Variants in PCDH11X observed in about 807,000 individuals in gnomAD.
The protein encoded by PCDH11X is protocadherin 11 X-linked.
PCDH11X carries 18 observed loss-of-function variants against 53.3 expected under a neutral mutation model. The ratio of observed to expected loss-of-function variants is 0.34; its 90% CI spans 0.23 to 0.50. The LOEUF (loss-of-function observed/expected upper bound fraction) is 0.50, where lower values mean the gene tolerates loss of function less well. Ranked by LOEUF, PCDH11X falls within the 20% of genes least tolerant of loss-of-function variation. PCDH11X has a pLI of 0.98. For missense variants in PCDH11X, 570 were observed against 1,032.4 expected, an observed-to-expected ratio of 0.55 and a Z score of 6.14; for synonymous variants, 279 against 393.3, an observed-to-expected ratio of 0.71 and a Z score of 3.44.
At chrX:92,026,237 A>G (rs770662013) in intron 6 of PCDH11X, among the ~76,000 whole-genome samples, 1 of 111,364 alleles carries the variant, frequency 9.0e-6, no homozygotes, top group East Asian at 2.8e-4. Flanking sequence ...GTTTTGTGAT[A>G]TGTGAAAATT....
At chrX:91,804,023 T>TCCAC (rs1230162693) in intron 1 of PCDH11X, among the ~76,000 whole-genome samples, 1 of 111,663 alleles carries the variant, frequency 9.0e-6, no homozygotes, top group Admixed American at 9.6e-5. Context: ...TTGGCTAAAT[T>TCCAC]GTGGAAGTTT....
chrX:92,108,821 A>G (rs1403363722), intron 6 of PCDH11X, among the ~76,000 whole-genome samples: 1 of 111,714 alleles, frequency 9.0e-6, no homozygotes, highest in East Asian at 2.8e-4. Flanking sequence ...GGTCAGGATT[A>G]CCTAATATTA....
At chrX:92,129,386 G>A (rs1038624932) in intron 6 of PCDH11X, among the ~76,000 whole-genome samples, 11 of 111,464 alleles carry the variant, frequency 9.9e-5, no homozygotes, top group East Asian at 5.7e-4. Context: ...GCGAGACTCC[G>A]TCCCCCACCT....
intron 6 of PCDH11X, among the ~76,000 whole-genome samples, chrX:92,118,661 C>T (rs2064687180): frequency 9.5e-6 from 1 of 105,417 alleles, no homozygotes; most frequent in African/African-American, 3.5e-5. Flanking sequence ...TCAGATTTGA[C>T]TCATTCCAAA....
At chrX:92,536,271 G>T (rs184189652) in intron 10 of PCDH11X, among the ~76,000 whole-genome samples, 2 of 110,904 alleles carry the variant, frequency 1.8e-5, no homozygotes, top group African/African-American at 6.6e-5. Context: ...TTTTATACAG[G>T]CTATTTTATC....
At chrX:92,209,756 C>G (rs1376485312) in intron 7 of PCDH11X, among the ~76,000 whole-genome samples, 2 of 112,537 alleles carry the variant, frequency 1.8e-5, no homozygotes, top group Admixed American at 9.4e-5. Flanking sequence ...CTCTGTACTG[C>G]CCTAGTAGAG....
chrX:91,851,475 A>G (rs1938007489), intron 5 of PCDH11X, among the ~76,000 whole-genome samples: 1 of 111,355 alleles, frequency 9.0e-6, no homozygotes, highest in African/African-American at 3.3e-5. Flanking sequence ...TCCATTTTTA[A>G]TTTTTATGAG....
intron 6 of PCDH11X, among the ~76,000 whole-genome samples, chrX:91,970,485 G>A (rs1223683946): frequency 2.7e-5 from 3 of 111,100 alleles, no homozygotes; most frequent in African/African-American, 9.8e-5. Flanking sequence ...AGCCCTGATT[G>A]GTGCGTGTAC....
intron 6 of PCDH11X, among the ~76,000 whole-genome samples, chrX:92,094,500 T>C (rs2064103416): frequency 9.0e-6 from 1 of 111,141 alleles, no homozygotes; most frequent in Admixed American, 9.7e-5. Flanking sequence ...TATACAGGTA[T>C]ATATGAGGAC....
Position 91,835,993 on chromosome X carries a change from T to G in PCDH11X, c.489T>G (p.Ala163=), listed in dbSNP as rs749446446. The stretch of plus-strand genomic sequence containing the variant: ...ACTCTAAATATACTCTCCCAGCGGC[T>G]GTTGATCCTGACGTAGGAATAAACG... ...AINSKYTLPA[A]VDPDVGINGV... is the part of the protein sequence containing the mutation. The change falls in exon 5 of 11, where the codon GCT becomes GCG. Residue 163 remains alanine, a synonymous_variant. Transcript: ENST00000682573. 2 of 1,208,909 alleles carry G rather than the reference T, an allele frequency of 1.7e-6. No individual in the cohort carries two copies. Among genetic ancestry groups the G allele is most frequent in the East Asian group, 5.9e-5 (2 of 33,729 alleles).
chrX:92,113,931 C>A (rs1226309515), intron 6 of PCDH11X: 27 of 1,203,966 alleles, frequency 2.2e-5, no homozygotes, highest in Non-Finnish European at 2.7e-5. Flanking sequence ...GTACAAACAT[C>A]TTGATGTATT....
intron 9 of PCDH11X, among the ~76,000 whole-genome samples, chrX:92,431,436 A>T (rs1319014963): frequency 9.0e-6 from 1 of 110,672 alleles, no homozygotes; most frequent in Non-Finnish European, 1.9e-5. Context: ...TTAAAATAGA[A>T]CTCAATTTTT....
intron 5 of PCDH11X, among the ~76,000 whole-genome samples, chrX:91,871,104 C>T (rs915426193): frequency 1.4e-4 from 15 of 109,436 alleles, no homozygotes; most frequent in African/African-American, 5.1e-4. Flanking sequence ...GCTTTTCCCC[C>T]TAATAGTTTT....
chrX:92,033,916 A>G (rs1360193517), intron 6 of PCDH11X, among the ~76,000 whole-genome samples: 2 of 109,022 alleles, frequency 1.8e-5, no homozygotes, highest in Non-Finnish European at 3.8e-5. Context: ...GCTTAGTAGT[A>G]CTTTTGCTGT....
intron 6 of PCDH11X, among the ~76,000 whole-genome samples, chrX:92,193,380 G>C (rs897580597): frequency 2.7e-5 from 3 of 110,642 alleles, no homozygotes; most frequent in African/African-American, 9.8e-5. Context: ...TTTGTTTTTT[G>C]GTGGGGACAA....
intron 9 of PCDH11X, among the ~76,000 whole-genome samples, chrX:92,423,642 GT>G (rs2072027888): frequency 1.1e-5 from 1 of 93,561 alleles, no homozygotes; most frequent in African/African-American, 3.4e-5. Flanking sequence ...TTAAGTCCTT[GT>G]TGCATCTTAA....
intron 8 of PCDH11X, among the ~76,000 whole-genome samples, chrX:92,343,775 T>C (rs1043206171): frequency 9.0e-6 from 1 of 111,363 alleles, no homozygotes; most frequent in Non-Finnish European, 1.9e-5. Flanking sequence ...CCCACCTCAA[T>C]AGCATTCAAT....
At chrX:92,023,450 C>T (rs1055677342) in intron 6 of PCDH11X, among the ~76,000 whole-genome samples, 1 of 110,063 alleles carries the variant, frequency 9.1e-6, no homozygotes, top group African/African-American at 3.3e-5. Context: ...TACACCCTCC[C>T]AAGACTAAAC....
intron 10 of PCDH11X, among the ~76,000 whole-genome samples, chrX:92,579,851 A>T (rs928796346): frequency 9.0e-6 from 1 of 111,573 alleles, no homozygotes; most frequent in Admixed American, 9.5e-5. Flanking sequence ...GCATTTTTGC[A>T]TTGATTCTTT....
Sources: allele counts gnomAD v4.1 joint callset (sites outside exome capture counted in the v4.1 genomes callset), GRCh38; gene constraint gnomAD v4.1.1; transcripts MANE v1.5; gene names NCBI Gene and HGNC (gene_info 2026-07-23, HGNC 2026-07-21).